TRIM44: variants seen among roughly 807,000 people sequenced by gnomAD.
The protein encoded by TRIM44 is tripartite motif containing 44.
In TRIM44, 13 loss-of-function variants were observed where a neutral mutation model predicts 37.4. That is an observed-to-expected ratio of 0.35 (90% CI 0.23 to 0.55). The LOEUF (loss-of-function observed/expected upper bound fraction) is 0.55, where lower values mean the gene tolerates loss of function less well. Among genes scored for constraint, TRIM44 ranks in the 20% least tolerant of loss-of-function variants. The pLI, the probability that TRIM44 is intolerant of heterozygous loss-of-function variation, is 0.89. For missense variants in TRIM44, 426 were observed against 437.2 expected, an observed-to-expected ratio of 0.97 and a Z score of 0.23; for synonymous variants, 175 against 157.2, an observed-to-expected ratio of 1.11 and a Z score of -0.85.
Position 35,674,236 on chromosome 11 carries a change from G to A in TRIM44, c.669+10456G>A, listed in dbSNP as rs1048124020. ...TGAGTGGGAGAGAGAGAGAATTTGC[G>A]TGTGTGTGTGTGTGTGTACACATGC... is the stretch of plus-strand genomic sequence containing the variant. On this transcript the variant is annotated intron_variant, in intron 1 of 4. Transcript: ENST00000299413. Among the ~76,000 whole-genome samples, 2 of 51,836 alleles carry A rather than the reference G, an allele frequency of 3.9e-5. 1 individual carries two copies. Among genetic ancestry groups the A allele is most frequent in the South Asian group, 8.0e-4 (2 of 2,510 alleles). 34.0% of individuals were successfully genotyped at this position (51,836 alleles called of 152,430 possible). A position where few individuals can be genotyped will look rare whatever the true frequency, so the allele number is the denominator to read the frequency against.
chr11:35,732,645 C>T (rs1386374322), intron 3 of TRIM44, among the ~76,000 whole-genome samples: 1 of 152,048 alleles, frequency 6.6e-6, no homozygotes, highest in Non-Finnish European at 1.5e-5. Context: ...GTGGCAAACC[C>T]TACAAATGTG....
At chr11:35,678,112 C>G (rs1192230458) in intron 1 of TRIM44, among the ~76,000 whole-genome samples, 1 of 152,140 alleles carries the variant, frequency 6.6e-6, no homozygotes, top group African/African-American at 2.4e-5. Context: ...TAGATGAGGT[C>G]AGATTACCAA....
chr11:35,733,140 AG>A (rs1435620173), intron 3 of TRIM44, among the ~76,000 whole-genome samples: 2 of 152,170 alleles, frequency 1.3e-5, no homozygotes, highest in Non-Finnish European at 2.9e-5. Flanking sequence ...CTTTGAGGTA[AG>A]AACTAGGATC....
Position 35,663,562 on chromosome 11 carries a change from T to C in TRIM44, c.451T>C (p.Ser151Pro). Reference sequence around the variant, plus strand: ...AGAAGACAACCAAGAAGAAGGGGAATCCGAGGCGGAGGGAGAAACTGAGGC... The same window carrying C: ...AGAAGACAACCAAGAAGAAGGGGAACCCGAGGCGGAGGGAGAAACTGAGGC... ...AEEDNQEEGE[S>P]EAEGETEAES... Residue 151 changes from serine (S) to proline (P), a missense_variant, in exon 1 of 5, where the codon TCC becomes CCC. By Grantham distance (74) the Ser-to-Pro change is moderately conservative. Transcript: ENST00000299413. 6.2e-7 allele frequency: 1 copy of C among 1,612,376 alleles called. No individual in the cohort carries two copies. Among genetic ancestry groups the C allele is most frequent in the Non-Finnish European group, 8.5e-7 (1 of 1,179,548 alleles).
chr11:35,783,865 G>T (rs1351382154), intron 4 of TRIM44, among the ~76,000 whole-genome samples: 1 of 152,136 alleles, frequency 6.6e-6, no homozygotes, highest in Non-Finnish European at 1.5e-5. Flanking sequence ...AGTGAAAGAG[G>T]GAAAGCCCTA....
At chr11:35,718,021 T>A (rs1852058650) in intron 2 of TRIM44, among the ~76,000 whole-genome samples, 1 of 152,176 alleles carries the variant, frequency 6.6e-6, no homozygotes, top group African/African-American at 2.4e-5. Context: ...GTTGTTAGGA[T>A]GAGATAGCCA....
chr11:35,663,879 C>G, intron 1 of TRIM44, 99 bp downstream of exon 1: 1 of 1,403,486 alleles, frequency 7.1e-7, no homozygotes, highest in Non-Finnish European at 9.6e-7. Context: ...CACTGTGTCC[C>G]TAAGAAGCTA....
rs532225412 is a variant in TRIM44 at position 35,755,036 on chromosome 11, G to A, written c.1007+19591G>A. Among the ~76,000 whole-genome samples, 437 of 152,210 alleles carry A rather than the reference G, an allele frequency of 2.9e-3. 1 individual carries two copies. Among genetic ancestry groups the A allele is most frequent in the African/African-American group, 9.7e-3 (401 of 41,522 alleles). On this transcript the variant is annotated intron_variant, in intron 4 of 4. Coordinates refer to ENST00000299413, the MANE Select transcript of TRIM44 (RefSeq NM_017583.6). Reference sequence around the variant, plus strand: ...TATATACCCAGTAATGGGATGGCTGGGTCAAATGGTATTTCTAGTTCTAGA... The same window carrying A: ...TATATACCCAGTAATGGGATGGCTGAGTCAAATGGTATTTCTAGTTCTAGA...
At chr11:35,760,028 A>C (rs1010827872) in intron 4 of TRIM44, among the ~76,000 whole-genome samples, 1 of 152,236 alleles carries the variant, frequency 6.6e-6, no homozygotes, top group Non-Finnish European at 1.5e-5. Flanking sequence ...GCTGTCAAAC[A>C]GGGACATATA....
chr11:35,691,134 TA>T (rs1448074669), intron 2 of TRIM44, among the ~76,000 whole-genome samples: 1 of 152,182 alleles, frequency 6.6e-6, no homozygotes, highest in African/African-American at 2.4e-5. Flanking sequence ...AAAAAAGCCA[TA>T]ACCCTCAGAG....
At chr11:35,736,882 A>G (rs1302389328) in intron 4 of TRIM44, among the ~76,000 whole-genome samples, 1 of 152,112 alleles carries the variant, frequency 6.6e-6, no homozygotes, top group African/African-American at 2.4e-5. Context: ...TTCATTTAAC[A>G]TATATTCGTG....
intron 3 of TRIM44, among the ~76,000 whole-genome samples, chr11:35,728,560 A>C (rs1266794626): frequency 1.3e-5 from 2 of 152,168 alleles, no homozygotes; most frequent in African/African-American, 4.8e-5. Context: ...GTTTACAAAG[A>C]GCTGTTATTA....
rs576476260 is a variant in TRIM44, at chr11:35,704,911, A to G, written c.747+19575A>G. Among the ~76,000 whole-genome samples, 1,339 of 151,382 alleles carry G rather than the reference A, an allele frequency of 8.8e-3. 13 individuals are homozygous for G. The highest frequency in any genetic ancestry group is 0.011 in the Non-Finnish European group (722 of 67,854). On this transcript the variant is annotated intron_variant, in intron 2 of 4. Coordinates refer to ENST00000299413, the MANE Select transcript of TRIM44 (RefSeq NM_017583.6). ...GACAGGATCAAATTCACACATAACA[A>G]TATTAACTTTAAATGTAAATGGACT...
chr11:35,800,596 C>T (rs1011642762), intron 4 of TRIM44, among the ~76,000 whole-genome samples: 2 of 152,334 alleles, frequency 1.3e-5, no homozygotes, highest in African/African-American at 4.8e-5. Context: ...CAACTTCCCA[C>T]TCGACCCAGG....
intron 3 of TRIM44, among the ~76,000 whole-genome samples, chr11:35,732,950 T>C (rs111842543): frequency 2.6e-5 from 4 of 152,300 alleles, no homozygotes; most frequent in African/African-American, 9.6e-5. Context: ...GATGAACATA[T>C]AGCAAAACTT....
intron 4 of TRIM44, among the ~76,000 whole-genome samples, chr11:35,784,627 T>G (rs116434901): frequency 7.2e-5 from 11 of 152,252 alleles, no homozygotes; most frequent in Non-Finnish European, 1.5e-4. Context: ...TGTATATGTA[T>G]GTGTGTATAC....
At chr11:35,679,417 CCTT>C (rs1245905922) in intron 1 of TRIM44, among the ~76,000 whole-genome samples, 1 of 152,120 alleles carries the variant, frequency 6.6e-6, no homozygotes, top group Admixed American at 6.5e-5. Context: ...AATATGTACT[CCTT>C]TGAAGAAAGG....
intron 3 of TRIM44, among the ~76,000 whole-genome samples, chr11:35,726,469 T>C (rs1031845158): frequency 1.3e-5 from 2 of 152,138 alleles, no homozygotes; most frequent in Non-Finnish European, 2.9e-5. Flanking sequence ...AGACCCCAAG[T>C]TGTGAAATGA....
chr11:35,719,101 A>G (rs544565431), intron 2 of TRIM44, among the ~76,000 whole-genome samples: 23 of 152,292 alleles, frequency 1.5e-4, no homozygotes, highest in African/African-American at 5.1e-4. Flanking sequence ...GCAAATACCA[A>G]GGAGCATGAT....
Sources: gnomAD v4.1 joint callset for allele counts (sites outside exome capture counted in the v4.1 genomes callset) on GRCh38, gnomAD v4.1.1 for gene constraint, MANE v1.5 for transcripts, NCBI Gene and HGNC (gene_info 2026-07-23, HGNC 2026-07-21) for gene names.